ARHGEF2: variants seen among roughly 807,000 people sequenced by gnomAD.
ARHGEF2 encodes Rho/Rac guanine nucleotide exchange factor 2.
A neutral mutation model predicts 121.0 loss-of-function variants in ARHGEF2; 22 were observed. The ratio of observed to expected loss-of-function variants is 0.18; its 90% CI spans 0.13 to 0.26. ARHGEF2 has a LOEUF of 0.26. Ranked by LOEUF, ARHGEF2 falls within the 10% of genes least tolerant of loss-of-function variation. ARHGEF2 has a pLI of 1.00. For missense variants in ARHGEF2, 907 were observed against 1,336.0 expected, an observed-to-expected ratio of 0.68 and a Z score of 5.01; for synonymous variants, 487 against 530.0, an observed-to-expected ratio of 0.92 and a Z score of 1.11.
chr1:155,978,657 A>C, upstream of ARHGEF2: 1 of 1,151,300 alleles, frequency 8.7e-7, no homozygotes, highest in Non-Finnish European at 1.1e-6. This position sits in a 1 kb window ranked among gnomAD's most constrained non-coding sequence, Gnocchi z 4.1. Context: ...CGCGCGCAGG[A>C]CGGGACGCCA....
Position 155,965,832 on chromosome 1 carries a change from C to T in ARHGEF2, c.341-72G>A. 2.0e-6 allele frequency: 3 copies of T among 1,504,864 alleles called. No homozygotes were observed. Among genetic ancestry groups the T allele is most frequent in the South Asian group, 2.7e-5 (2 of 74,604 alleles). 93.2% of individuals were successfully genotyped at this position (1,504,864 alleles called of 1,614,324 possible). On this transcript the variant is annotated intron_variant, in intron 4 of 21. Coordinates refer to ENST00000361247, the MANE Select transcript of ARHGEF2 (RefSeq NM_001162383.2). The surrounding 1 kb of genome is among the most constrained non-coding windows in gnomAD (Gnocchi z 6.0). ...TCCCAGGATTGAGGCCTCCTAGGCT[C>T]CTCAATGAGGAATGAGGCATCCTCT...
Position 155,951,021 on chromosome 1 carries a change from G to T in ARHGEF2, c.2511C>A (p.Ala837=). The change falls in exon 20 of 22, where the codon GCC becomes GCA. Residue 837 remains alanine (A), a synonymous_variant. Transcript: ENST00000361247. The surrounding 1 kb of genome is among the most constrained non-coding windows in gnomAD (Gnocchi z 5.1). ...GGGCCTGCTCACTCTCCCGGAGCCG[G>T]GCCTCCAGGCTGCCAGCTTCGGTTG... ...ERATEAGSLE[A]RLRESEQARA... is the part of the protein sequence containing the mutation. 1.9e-6 allele frequency: 3 copies of T among 1,605,538 alleles called. No individual in the cohort carries two copies. Among genetic ancestry groups the T allele is most frequent in the Non-Finnish European group, 2.5e-6 (3 of 1,177,672 alleles).
upstream of ARHGEF2, chr1:155,979,238 T>G: frequency 2.0e-6 from 2 of 985,542 alleles, no homozygotes; most frequent in Non-Finnish European, 2.4e-6. Context: ...GCCAGCTACT[T>G]TGGGGGACTA....
intron 21 of ARHGEF2, 129 bp from the exon 22 acceptor site, chr1:155,948,144 TA>T (rs1183354453): frequency 4.5e-6 from 3 of 661,086 alleles, no homozygotes; most frequent in Non-Finnish European, 7.4e-6. Context: ...CAGGGTTCTG[TA>T]AATTCTTGGG....
chr1:155,978,334 G>C lies in ARHGEF2; in HGVS notation c.63+31C>G, dbSNP rs1376757618. On this transcript the variant is annotated intron_variant, in intron 1 of 21. Transcript: ENST00000361247. This position sits in a 1 kb window ranked among gnomAD's most constrained non-coding sequence, Gnocchi z 4.1. ...GGGGTTCGGGGAGCACCCGAGGACCGCGGCGAAAGGAGAGGGGTTTCCGAG... is the reference window on the plus strand; with the variant it reads ...GGGGTTCGGGGAGCACCCGAGGACCCCGGCGAAAGGAGAGGGGTTTCCGAG... 1 of 1,489,988 alleles carries C rather than the reference G, an allele frequency of 6.7e-7. No homozygotes were observed. 92.3% of individuals were successfully genotyped at this position (1,489,988 alleles called of 1,614,324 possible).
intron 1 of ARHGEF2, chr1:155,970,153 C>A: frequency 1.0e-6 from 1 of 985,434 alleles, no homozygotes; most frequent in Non-Finnish European, 1.2e-6. Context: ...TGCTCCTTAC[C>A]CAACTGGTCT....
intron 7 of ARHGEF2, among the ~76,000 whole-genome samples, chr1:155,964,168 ATATATATAT>A (rs1291762186): frequency 2.7e-4 from 15 of 55,196 alleles, no homozygotes; most frequent in African/African-American, 2.2e-3. Flanking sequence ...AAAAAAAAAA[ATATATATAT>A]ATATATATAT....
In ARHGEF2 at chr1:155,970,708, C is replaced by T. The variant is rs989477262; in HGVS notation, c.64-1408G>A. 1.3e-5 allele frequency: 13 copies of T among 986,030 alleles called. No individual in the cohort carries two copies. In the African/African-American group the frequency reaches 1.4e-4, roughly 11 times the overall value. 61.1% of individuals were successfully genotyped at this position (986,030 alleles called of 1,614,324 possible). The stretch of plus-strand genomic sequence containing the variant: ...GAGGTGGAGGAGGGGAAGAGATGCA[C>T]GGGCCTGGTGCTTGGGGCAGAAAAT... On this transcript the variant is annotated intron_variant, in intron 1 of 21. Transcript: ENST00000361247.
In ARHGEF2 at chr1:155,951,179, C is replaced by T. The variant is rs1213120427; in HGVS notation, c.2353G>A (p.Gly785Arg). The change falls in exon 20 of 22, where the codon GGG becomes AGG. Residue 785 changes from glycine (G) to arginine (R), a missense_variant. Gly to Arg is a moderately radical substitution (Grantham distance 125, BLOSUM62 -2). Around this residue, in one of 2 missense-constraint regions of ARHGEF2, gnomAD observed 432 missense variants for 559.5 expected, o/e 0.77. Coordinates refer to ENST00000361247, the MANE Select transcript of ARHGEF2 (RefSeq NM_001162383.2). The surrounding 1 kb of genome is among the most constrained non-coding windows in gnomAD (Gnocchi z 5.1). The stretch of plus-strand genomic sequence containing the variant: ...GCAGCCCCAGCCCTGCCAGCCTCCC[C>T]ATCCCGAGAGTTGGCTCGGCACAGC... ...EKLCRANSRD[G>R]EAGRAGAAPV... 2.5e-6 allele frequency: 4 copies of T among 1,607,260 alleles called. No homozygotes were observed. The African/African-American group carries it at 4.0e-5, about 16-fold the overall frequency.
At chr1:155,963,330 C>T in intron 7 of ARHGEF2, 147 bp from the exon 8 acceptor site, 3 of 589,050 alleles carry the variant, frequency 5.1e-6, no homozygotes, top group Non-Finnish European at 5.6e-6. Context: ...AGATACTTTT[C>T]TAATCATTTT....
chr1:155,951,715 T>A lies in ARHGEF2; in HGVS notation c.2208+26A>T. 4 of 1,614,066 alleles carry A rather than the reference T, an allele frequency of 2.5e-6. No homozygotes were observed. The South Asian group carries it at 3.3e-5, about 13-fold the overall frequency. On this transcript the variant is annotated intron_variant, in intron 18 of 21. Transcript: ENST00000361247. The surrounding 1 kb of genome is among the most constrained non-coding windows in gnomAD (Gnocchi z 5.1). Reference sequence around the variant, plus strand: ...GACTAAGAACATCCTCCCTTCAGTCTCCTATACCATCAATTCCCATCTCAC... The same window carrying A: ...GACTAAGAACATCCTCCCTTCAGTCACCTATACCATCAATTCCCATCTCAC...
intron 7 of ARHGEF2, among the ~76,000 whole-genome samples, chr1:155,964,161 A>T (rs1341661352): frequency 0.42 from 24,035 of 56,652 alleles, 4,151 homozygotes; most frequent in East Asian, 0.77. Context: ...AAAAAAAAAA[A>T]AAAAAAATAT....
At position 155,947,870 on chromosome 1, in the gene ARHGEF2, A is replaced by C. The variant is rs1674636244; in HGVS notation, c.*72T>G. 1.1e-6 allele frequency: 1 copy of C among 879,944 alleles called. No individual in the cohort carries two copies. Among genetic ancestry groups the C allele is most frequent in the Non-Finnish European group, 1.8e-6 (1 of 568,004 alleles). The allele number at this position is 879,944 out of a possible 1,614,324, so 54.5% of individuals were successfully genotyped here. On this transcript the variant is annotated 3_prime_UTR_variant, in exon 22 of 22. Coordinates refer to ENST00000361247, the MANE Select transcript of ARHGEF2 (RefSeq NM_001162383.2). ...TCAAATGTTCCCTCATCATTGGCAA[A>C]TTGGAGTCCCCAAGGTTAGCCCCCT...
chr1:155,967,028 C>T, intron 2 of ARHGEF2, 141 bp from the exon 3 acceptor site: 3 of 711,426 alleles, frequency 4.2e-6, no homozygotes, highest in Non-Finnish European at 7.5e-6. Context: ...GCCATTACCA[C>T]ACCCCAGTCC....
chr1:155,975,087 C>T (rs555205927), intron 1 of ARHGEF2, among the ~76,000 whole-genome samples: 1 of 152,108 alleles, frequency 6.6e-6, no homozygotes, highest in East Asian at 1.9e-4. Flanking sequence ...AATCCGCTCA[C>T]TCAGCTCCTA....
chr1:155,951,176 C>T lies in ARHGEF2; in HGVS notation c.2356G>A (p.Glu786Lys), dbSNP rs764128548. Residue 786 changes from glutamate (E) to lysine (K), a missense_variant, in exon 20 of 22, where the codon GAG becomes AAG. Physicochemically the swap from Glu to Lys is moderately conservative, Grantham distance 56. This residue lies in a region of ARHGEF2 where 432 missense variants were observed against 559.5 expected (regional missense o/e 0.77). Transcript: ENST00000361247. The surrounding 1 kb of genome is among the most constrained non-coding windows in gnomAD (Gnocchi z 5.1). ...KLCRANSRDG[E>K]AGRAGAAPVA... ...GGGGCAGCCCCAGCCCTGCCAGCCT[C>T]CCCATCCCGAGAGTTGGCTCGGCAC... 54 of 1,606,818 alleles carry T rather than the reference C, an allele frequency of 3.4e-5. No homozygotes were observed. The highest frequency in any genetic ancestry group is 4.6e-5 in the Non-Finnish European group (54 of 1,178,066).
chr1:155,955,733 TGAGA>T (rs1676518147), intron 13 of ARHGEF2, among the ~76,000 whole-genome samples: 1 of 152,158 alleles, frequency 6.6e-6, no homozygotes, highest in Non-Finnish European at 1.5e-5. Flanking sequence ...ATTTTTTTTT[TGAGA>T]GAGAGTCTTG....
intron 15 of ARHGEF2, among the ~76,000 whole-genome samples, 160 bp from the exon 16 acceptor site, chr1:155,952,395 A>G (rs1450815017): frequency 3.9e-5 from 6 of 152,250 alleles, no homozygotes; most frequent in Non-Finnish European, 1.5e-5. Flanking sequence ...AAAGGGCAGT[A>G]AATGCCTACG....
At chr1:155,958,643 T>C (rs1335182299) in intron 11 of ARHGEF2, among the ~76,000 whole-genome samples, 1 of 150,870 alleles carries the variant, frequency 6.6e-6, no homozygotes, top group East Asian at 1.9e-4. Context: ...TGGTGCAATC[T>C]TGGCTCACTG....
Sources: gnomAD v4.1 joint callset for allele counts (sites outside exome capture counted in the v4.1 genomes callset) on GRCh38, gnomAD v4.1.1 for gene constraint, gnomAD v4.1.1 regional missense constraint, Gnocchi (gnomAD v3.1) non-coding constraint, MANE v1.5 for transcripts, NCBI Gene and HGNC (gene_info 2026-07-23, HGNC 2026-07-21) for gene names.